Variants in PRELID2 observed in about 807,000 individuals in gnomAD.
The protein encoded by PRELID2 is PRELI domain containing 2, also known as PRELI domain-containing protein 2.
A neutral mutation model predicts 28.4 loss-of-function variants in PRELID2; 25 were observed. That is an observed-to-expected ratio of 0.88 (90% CI 0.64 to 1.23). The LOEUF is 1.23. PRELID2 is among the 50% of genes most tolerant of loss of function. The probability of loss-of-function intolerance (pLI) is 0.00; values close to 1 mark genes in which losing one functional copy is unlikely to be tolerated. For synonymous variants in PRELID2, 76 were observed against 71.6 expected, an observed-to-expected ratio of 1.06 and a Z score of -0.31; for missense variants, 201 against 214.4, an observed-to-expected ratio of 0.94 and a Z score of 0.39.
At chr5:145,495,730 T>G (rs1049665333) in intron 1 of PRELID2, among the ~76,000 whole-genome samples, 1 of 152,228 alleles carries the variant, frequency 6.6e-6, no homozygotes, top group Non-Finnish European at 1.5e-5. Flanking sequence ...ATAAAGCATT[T>G]AGCTTAATGC....
chr5:145,461,572 G>A, the PRELID2 span, among the ~76,000 whole-genome samples: 1 of 152,162 alleles, frequency 6.6e-6, no homozygotes, highest in South Asian at 2.1e-4. Flanking sequence ...AGAGTGCTGG[G>A]GTTATAGGCG....
chr5:145,674,250 T>A (rs1202448419), intron 1 of PRELID2, among the ~76,000 whole-genome samples: 3 of 152,186 alleles, frequency 2.0e-5, no homozygotes, highest in African/African-American at 7.2e-5. Context: ...CATGTTGGCA[T>A]GCTGTACCCA....
the PRELID2 span, among the ~76,000 whole-genome samples, chr5:145,301,666 C>T: frequency 6.6e-6 from 1 of 152,266 alleles, no homozygotes; most frequent in African/African-American, 2.4e-5. Context: ...TGACCCATCT[C>T]AAATTAATTT....
the PRELID2 span, among the ~76,000 whole-genome samples, chr5:145,406,166 C>T: frequency 6.6e-6 from 1 of 152,050 alleles, no homozygotes; most frequent in Admixed American, 6.6e-5. Flanking sequence ...TAAAATTCAA[C>T]ATGAGATTTA....
At chr5:145,533,652 T>C (rs866749080) in intron 1 of PRELID2, among the ~76,000 whole-genome samples, 1 of 152,070 alleles carries the variant, frequency 6.6e-6, no homozygotes, top group African/African-American at 2.4e-5. Context: ...TTTTCCCAGT[T>C]GCAGGAAGCA....
chr5:145,244,135 A>C, the PRELID2 span, among the ~76,000 whole-genome samples: 2 of 152,110 alleles, frequency 1.3e-5, no homozygotes, highest in Non-Finnish European at 2.9e-5. Flanking sequence ...TTGTATTTTC[A>C]GTAGAGACGG....
intron 1 of PRELID2, among the ~76,000 whole-genome samples, chr5:145,637,501 C>T (rs906428934): frequency 4.3e-4 from 65 of 150,878 alleles, no homozygotes; most frequent in African/African-American, 1.5e-3. Context: ...AGAATTGGGA[C>T]TTCTCTGCCA....
the PRELID2 span, among the ~76,000 whole-genome samples, chr5:145,337,204 A>G: frequency 6.6e-6 from 1 of 151,924 alleles, no homozygotes; most frequent in Non-Finnish European, 1.5e-5. Context: ...AATGAAGAAA[A>G]TAATAAAGAT....
At chr5:145,548,885 C>T (rs1416680706) in intron 1 of PRELID2, among the ~76,000 whole-genome samples, 1 of 152,298 alleles carries the variant, frequency 6.6e-6, no homozygotes, top group South Asian at 2.1e-4. Context: ...TCACAAGACC[C>T]CTGATAATCC....
chr5:145,364,199 CAGAG>C, the PRELID2 span, among the ~76,000 whole-genome samples: 15 of 151,980 alleles, frequency 9.9e-5, no homozygotes, highest in African/African-American at 3.6e-4. Context: ...AAAATAAACA[CAGAG>C]AGAAGTATTC....
the PRELID2 span, among the ~76,000 whole-genome samples, chr5:145,383,390 ATGTG>A: frequency 2.0e-5 from 3 of 148,702 alleles, no homozygotes; most frequent in East Asian, 3.9e-4. Flanking sequence ...ACATATGTGG[ATGTG>A]TGTGTGTGTG....
chr5:145,379,449 G>T, the PRELID2 span, among the ~76,000 whole-genome samples: 1 of 152,130 alleles, frequency 6.6e-6, no homozygotes, highest in Non-Finnish European at 1.5e-5. Flanking sequence ...GGTGGTGTTG[G>T]CTTGGAGGCA....
rs1429676933 is a variant in PRELID2, at chr5:145,756,931, C to G, written c.*3605G>C. On this transcript the variant is annotated 3_prime_UTR_variant, in exon 7 of 7. Coordinates refer to ENST00000683046, the MANE Select transcript of PRELID2 (RefSeq NM_205846.3). Reference sequence around the variant, plus strand: ...ACTCAAAGAGCAAATGTATCTGGAGCCTTCAGTGTAGGGACTTTAACAAAA... The same window carrying G: ...ACTCAAAGAGCAAATGTATCTGGAGGCTTCAGTGTAGGGACTTTAACAAAA... Among the ~76,000 whole-genome samples the G allele has an allele frequency of 2.0e-5, 3 of 152,210 alleles. No individual in the cohort carries two copies. The highest frequency in any genetic ancestry group is 4.4e-5 in the Non-Finnish European group (3 of 68,004).
downstream of PRELID2, among the ~76,000 whole-genome samples, chr5:145,753,404 CA>C (rs1757177385): frequency 6.6e-6 from 1 of 152,164 alleles, no homozygotes; most frequent in African/African-American, 2.4e-5. Flanking sequence ...TGATCATAAC[CA>C]AACAGGCTGT....
chr5:145,493,499 G>T (rs1254854317), intron 1 of PRELID2, among the ~76,000 whole-genome samples: 1 of 152,094 alleles, frequency 6.6e-6, no homozygotes, highest in Non-Finnish European at 1.5e-5. Context: ...TTCCACCATT[G>T]CTTATGATAA....
the PRELID2 span, among the ~76,000 whole-genome samples, chr5:145,320,365 G>A: frequency 5.3e-5 from 8 of 151,356 alleles, no homozygotes; most frequent in East Asian, 3.9e-4. Context: ...CCGCCTCACC[G>A]CTTCACGCCA....
the PRELID2 span, among the ~76,000 whole-genome samples, chr5:145,426,900 G>A: frequency 2.0e-5 from 3 of 152,116 alleles, no homozygotes; most frequent in Non-Finnish European, 2.9e-5. Flanking sequence ...GGTTGAGATG[G>A]TCTTGTAGGA....
the PRELID2 span, among the ~76,000 whole-genome samples, chr5:145,462,909 C>G: frequency 6.6e-6 from 1 of 152,232 alleles, no homozygotes; most frequent in African/African-American, 2.4e-5. Flanking sequence ...TAAAACTTGT[C>G]CAGGTCTTTG....
chr5:145,393,852 G>A, the PRELID2 span, among the ~76,000 whole-genome samples: 2 of 152,196 alleles, frequency 1.3e-5, no homozygotes, highest in Non-Finnish European at 2.9e-5. Flanking sequence ...TGAGGAAGAA[G>A]TGAAATTCTG....
Sources: gnomAD v4.1 joint callset for allele counts (sites outside exome capture counted in the v4.1 genomes callset) on GRCh38, gnomAD v4.1.1 for gene constraint, MANE v1.5 for transcripts, NCBI Gene and HGNC (gene_info 2026-07-23, HGNC 2026-07-21) for gene names.